ARHGAP24: variants seen among roughly 807,000 people sequenced by gnomAD.
ARHGAP24 encodes rho GTPase-activating protein 24.
ARHGAP24 carries 50 observed loss-of-function variants against 76.4 expected under a neutral mutation model. The ratio of observed to expected loss-of-function variants is 0.65; its 90% confidence interval spans 0.52 to 0.83. The LOEUF is 0.83. Among genes scored for constraint, ARHGAP24 ranks in the 40% least tolerant of loss-of-function variants. The pLI is 0.00. For missense variants in ARHGAP24, 930 were observed against 914.2 expected (o/e 1.02, Z -0.22); for synonymous variants, 345 against 323.3 (o/e 1.07, Z -0.72).
At chr4:85,695,997 A>G (rs569366691) in intron 2 of ARHGAP24, among the ~76,000 whole-genome samples, 1 of 152,162 alleles carries the variant, frequency 6.6e-6, no homozygotes, top group South Asian at 2.1e-4. Flanking sequence ...CCTTTCATCT[A>G]TGTTTAGCCA....
chr4:85,839,319 GCTC>G (rs1284132961), intron 3 of ARHGAP24, among the ~76,000 whole-genome samples: 1 of 152,122 alleles, frequency 6.6e-6, no homozygotes, highest in African/African-American at 2.4e-5. Flanking sequence ...ACTTTCTAGT[GCTC>G]CTTATTCTCA....
chr4:85,917,960 G>T (rs1488973995), intron 3 of ARHGAP24, among the ~76,000 whole-genome samples: 1 of 152,022 alleles, frequency 6.6e-6, no homozygotes, highest in Non-Finnish European at 1.5e-5. Flanking sequence ...CACTAAGAAA[G>T]TCCTAGTTAC....
chr4:85,646,432 C>T (rs760328024), intron 2 of ARHGAP24, among the ~76,000 whole-genome samples: 3 of 151,970 alleles, frequency 2.0e-5, no homozygotes, highest in Non-Finnish European at 4.4e-5. Context: ...TTCTCAACCC[C>T]GTTGCATCTA....
At chr4:85,590,035 A>C (rs1312868899) in intron 2 of ARHGAP24, among the ~76,000 whole-genome samples, 1 of 152,254 alleles carries the variant, frequency 6.6e-6, no homozygotes, top group African/African-American at 2.4e-5. Flanking sequence ...AATTGTTCTT[A>C]AAGTAATACT....
At chr4:85,496,477 C>T (rs1279894819) in intron 1 of ARHGAP24, among the ~76,000 whole-genome samples, 1 of 152,258 alleles carries the variant, frequency 6.6e-6, no homozygotes, top group African/African-American at 2.4e-5. Flanking sequence ...CAACTCTTCT[C>T]TGAAGAAATA....
chr4:85,827,894 G>C (rs1428068289), intron 3 of ARHGAP24: 5 of 1,289,044 alleles, frequency 3.9e-6, no homozygotes, highest in Non-Finnish European at 4.0e-6. Flanking sequence ...AAGCGACTCA[G>C]GACAGAGCAG....
At chr4:85,556,088 G>T (rs1467765810) in intron 1 of ARHGAP24, among the ~76,000 whole-genome samples, 1 of 152,106 alleles carries the variant, frequency 6.6e-6, no homozygotes. Context: ...CAGCTGGTGG[G>T]TGGGGGTGAC....
chr4:85,871,185 G>A (rs1178121971), intron 3 of ARHGAP24, among the ~76,000 whole-genome samples: 1 of 152,080 alleles, frequency 6.6e-6, no homozygotes, highest in African/African-American at 2.4e-5. Flanking sequence ...TCTAGGGGTA[G>A]GAGGGCTTTA....
At chr4:85,950,460 G>A (rs1318542133) in intron 5 of ARHGAP24, among the ~76,000 whole-genome samples, 2 of 151,964 alleles carry the variant, frequency 1.3e-5, no homozygotes, top group East Asian at 1.9e-4. Flanking sequence ...TGATCATACT[G>A]CTGGCACTTC....
At chr4:85,647,078 G>C (rs1482814863) in intron 2 of ARHGAP24, among the ~76,000 whole-genome samples, 1 of 151,984 alleles carries the variant, frequency 6.6e-6, no homozygotes, top group African/African-American at 2.4e-5. Context: ...TGTGATAGTA[G>C]GATAAAAGCT....
intron 2 of ARHGAP24, among the ~76,000 whole-genome samples, chr4:85,649,130 T>A (rs1481069790): frequency 6.6e-6 from 1 of 152,080 alleles, no homozygotes; most frequent in Non-Finnish European, 1.5e-5. Flanking sequence ...TGGAAAGGCC[T>A]TTCTGTGTGA....
At chr4:85,757,367 T>TC (rs1325786838) in intron 3 of ARHGAP24, among the ~76,000 whole-genome samples, 2 of 150,818 alleles carry the variant, frequency 1.3e-5, no homozygotes, top group African/African-American at 4.9e-5. Context: ...CCCTCCCCTC[T>TC]CCCGCAACCC....
At position 85,827,463 on chromosome 4, in the gene ARHGAP24, TGTG is replaced by T. The variant is rs1729774992; in HGVS notation, c.269-96184_269-96182del. ...GAATAGCTACACTGAAGTCTGCCCG[TGTG>T]TGTGTGTGTGTGTGTGTGTGTGTGT... On this transcript the variant is annotated intron_variant, in intron 3 of 9. Coordinates refer to ENST00000395184, the MANE Select transcript of ARHGAP24 (RefSeq NM_001025616.3). Among the ~76,000 whole-genome samples the T allele has an allele frequency of 1.0e-4, 4 of 40,190 alleles. No individual in the cohort carries two copies. The South Asian group carries it at 2.4e-3, about 24-fold the overall frequency. 26.4% of individuals were successfully genotyped at this position (40,190 alleles called of 152,430 possible).
chr4:85,767,015 C>T (rs1371307431), intron 3 of ARHGAP24, among the ~76,000 whole-genome samples: 1 of 152,164 alleles, frequency 6.6e-6, no homozygotes, highest in Non-Finnish European at 1.5e-5. Flanking sequence ...CAACTGCCTA[C>T]AGTATTCAGT....
At chr4:85,873,287 A>T (rs1732644359) in intron 3 of ARHGAP24, among the ~76,000 whole-genome samples, 1 of 152,216 alleles carries the variant, frequency 6.6e-6, no homozygotes, top group Non-Finnish European at 1.5e-5. Flanking sequence ...TGTAATGATA[A>T]TTCAGAGAAA....
At chr4:85,752,557 T>G (rs1384889167) in intron 3 of ARHGAP24, among the ~76,000 whole-genome samples, 2 of 152,196 alleles carry the variant, frequency 1.3e-5, no homozygotes, top group East Asian at 1.9e-4. Context: ...GGCACAGCAC[T>G]TTTTTTACAG....
At chr4:85,589,305 A>ATCTAATGT (rs1727989284) in intron 2 of ARHGAP24, among the ~76,000 whole-genome samples, 1 of 152,216 alleles carries the variant, frequency 6.6e-6, no homozygotes, top group Non-Finnish European at 1.5e-5. Flanking sequence ...TTGGGTTGAC[A>ATCTAATGT]TCTAATGTTT....
intron 3 of ARHGAP24, among the ~76,000 whole-genome samples, chr4:85,780,578 A>T (rs1178274925): frequency 6.6e-6 from 1 of 151,804 alleles, no homozygotes; most frequent in Non-Finnish European, 1.5e-5. Context: ...CAGTTTGCAT[A>T]TCTCTAATAA....
chr4:85,766,702 A>G (rs186436238), intron 3 of ARHGAP24, among the ~76,000 whole-genome samples: 76 of 152,270 alleles, frequency 5.0e-4, no homozygotes, highest in Non-Finnish European at 5.1e-4. Context: ...AGGAAATATA[A>G]AATTCCCCTT....
Sources: gnomAD v4.1 joint callset for allele counts (sites outside exome capture counted in the v4.1 genomes callset) on GRCh38, gnomAD v4.1.1 for gene constraint, MANE v1.5 for transcripts, NCBI Gene and HGNC (gene_info 2026-07-23, HGNC 2026-07-21) for gene names.